The following KIAA1328 variants were observed in gnomAD, a reference collection of about 807,000 sequenced individuals.
The protein encoded by KIAA1328 is KIAA1328, also known as protein hinderin.
In KIAA1328, 52 loss-of-function variants were observed where a neutral mutation model predicts 68.1. That is an observed-to-expected ratio of 0.76 (90% CI 0.61 to 0.96). The LOEUF is 0.96. Among genes scored for constraint, KIAA1328 ranks in the 40% least tolerant of loss-of-function variants. The pLI, the probability that KIAA1328 is intolerant of heterozygous loss-of-function variation, is 0.00. For missense variants in KIAA1328, 641 were observed against 677.6 expected, an observed-to-expected ratio of 0.95 and a Z score of 0.60; for synonymous variants, 232 against 239.4, an observed-to-expected ratio of 0.97 and a Z score of 0.28.
chr18:37,114,603 G>C (rs1296018272), intron 7 of KIAA1328, among the ~76,000 whole-genome samples: 1 of 152,192 alleles, frequency 6.6e-6, no homozygotes, highest in African/African-American at 2.4e-5. Context: ...AAAAGAACTA[G>C]AGAAGCAAGA....
intron 7 of KIAA1328, among the ~76,000 whole-genome samples, chr18:37,070,351 T>A (rs2056481662): frequency 6.6e-6 from 1 of 152,206 alleles, no homozygotes; most frequent in Non-Finnish European, 1.5e-5. Flanking sequence ...GTTGAGTTCT[T>A]CTATATTCTT....
At chr18:37,190,846 C>G (rs1473266898) in intron 9 of KIAA1328, among the ~76,000 whole-genome samples, 1 of 152,230 alleles carries the variant, frequency 6.6e-6, no homozygotes, top group South Asian at 2.1e-4. Flanking sequence ...ATCAAATTCA[C>G]TCCTTCCTAG....
chr18:37,162,931 G>C (rs927570938), intron 8 of KIAA1328, among the ~76,000 whole-genome samples: 1 of 150,022 alleles, frequency 6.7e-6, no homozygotes, highest in African/African-American at 2.4e-5. Flanking sequence ...ACAACCTTAC[G>C]ATAGCAAAGA....
intron 4 of KIAA1328, among the ~76,000 whole-genome samples, chr18:36,867,106 G>A (rs148612355): frequency 5.9e-4 from 90 of 152,262 alleles, no homozygotes; most frequent in African/African-American, 1.6e-3. Context: ...GATCCCCAGC[G>A]TTGGAGGTGT....
At chr18:36,879,333 C>T (rs997244757) in intron 4 of KIAA1328, among the ~76,000 whole-genome samples, 4 of 152,156 alleles carry the variant, frequency 2.6e-5, no homozygotes, top group Admixed American at 2.6e-4. Context: ...CCCTATTTGT[C>T]TGGGTATCAC....
chr18:36,927,719 C>T (rs2050169157), intron 5 of KIAA1328, among the ~76,000 whole-genome samples: 2 of 151,878 alleles, frequency 1.3e-5, no homozygotes, highest in South Asian at 4.2e-4. Flanking sequence ...GATCATGCCA[C>T]TGCATTCCAC....
chr18:36,907,322 A>G (rs2151055055), intron 5 of KIAA1328, among the ~76,000 whole-genome samples: 1 of 152,146 alleles, frequency 6.6e-6, no homozygotes, highest in Non-Finnish European at 1.5e-5. Context: ...TTCCAGTACA[A>G]TGTTGAGTAA....
rs536765138 is a variant in KIAA1328, at chr18:36,956,426, T to C, written c.449-2882T>C. Reference sequence around the variant, plus strand: ...GGCCAGGATTGAGTTAAATATATGTTCTTTTTCATTGTACCCCCCAAATCA... The same window carrying C: ...GGCCAGGATTGAGTTAAATATATGTCCTTTTTCATTGTACCCCCCAAATCA... On this transcript the variant is annotated intron_variant, in intron 5 of 9. Coordinates refer to ENST00000280020, the MANE Select transcript of KIAA1328 (RefSeq NM_020776.3). Among the ~76,000 whole-genome samples the C allele has an allele frequency of 1.1e-4, 17 of 152,240 alleles. No homozygotes were observed. The South Asian group carries it at 3.3e-3, about 30-fold the overall frequency.
At chr18:37,170,189 G>C (rs1405370699) in intron 8 of KIAA1328, among the ~76,000 whole-genome samples, 1 of 152,074 alleles carries the variant, frequency 6.6e-6, no homozygotes, top group Non-Finnish European at 1.5e-5. Context: ...CCAAAGACCA[G>C]TTTGGTATTT....
At chr18:36,985,143 T>C (rs559669123) in intron 6 of KIAA1328, among the ~76,000 whole-genome samples, 1 of 151,840 alleles carries the variant, frequency 6.6e-6, no homozygotes, top group African/African-American at 2.4e-5. Flanking sequence ...CTCTCCAAAA[T>C]CCTGTTTAAA....
chr18:36,839,789 T>G (rs2046798766), intron 3 of KIAA1328, among the ~76,000 whole-genome samples: 1 of 152,186 alleles, frequency 6.6e-6, no homozygotes, highest in African/African-American at 2.4e-5. Flanking sequence ...CATACTCTTT[T>G]GAATACTCTT....
chr18:37,212,990 A>T lies in KIAA1328; in HGVS notation c.1524-9027A>T, dbSNP rs60560421. On this transcript the variant is annotated intron_variant, in intron 9 of 9. Coordinates refer to ENST00000280020, the MANE Select transcript of KIAA1328 (RefSeq NM_020776.3). ...TGCCTCAGCCTCCCAAAGTGCTGGG[A>T]TTACAGGCGTGCGCCACTGCACACA... is the stretch of plus-strand genomic sequence containing the variant. 3.1e-3 allele frequency among the ~76,000 whole-genome samples: 479 copies of T among 152,290 alleles called. 3 individuals carry two copies. The highest frequency in any genetic ancestry group is 0.011 in the African/African-American group (457 of 41,566).
At chr18:37,213,336 C>G (rs2060355372) in intron 9 of KIAA1328, among the ~76,000 whole-genome samples, 1 of 152,084 alleles carries the variant, frequency 6.6e-6, no homozygotes, top group South Asian at 2.1e-4. Context: ...GTGTGATGTT[C>G]CCCGCTCTGT....
chr18:37,172,004 A>G (rs934161957), intron 8 of KIAA1328, among the ~76,000 whole-genome samples: 1 of 152,248 alleles, frequency 6.6e-6, no homozygotes, highest in African/African-American at 2.4e-5. Flanking sequence ...GCTAATCGCT[A>G]TAGCTGTAAG....
At chr18:37,161,285 T>G (rs1311591274) in intron 8 of KIAA1328, among the ~76,000 whole-genome samples, 1 of 152,200 alleles carries the variant, frequency 6.6e-6, no homozygotes, top group Admixed American at 6.6e-5. Flanking sequence ...GGGCAGTGCT[T>G]TGTGAGATCT....
At chr18:37,165,098 T>A (rs2059359532) in intron 8 of KIAA1328, among the ~76,000 whole-genome samples, 1 of 152,096 alleles carries the variant, frequency 6.6e-6, no homozygotes, top group African/African-American at 2.4e-5. Flanking sequence ...AGGACACCAG[T>A]CACTCTCAGG....
chr18:36,900,098 T>C (rs983385053), intron 5 of KIAA1328, among the ~76,000 whole-genome samples: 3 of 151,996 alleles, frequency 2.0e-5, no homozygotes, highest in Non-Finnish European at 2.9e-5. Context: ...TACTTTCATT[T>C]CTTAGCCTCT....
chr18:36,920,239 C>T (rs947254236), intron 5 of KIAA1328, among the ~76,000 whole-genome samples: 1 of 152,090 alleles, frequency 6.6e-6, no homozygotes, highest in Non-Finnish European at 1.5e-5. Context: ...TGGTAGAAGG[C>T]AGGGGCCTAG....
chr18:36,985,779 CTT>C (rs2052895359), intron 6 of KIAA1328, among the ~76,000 whole-genome samples: 1 of 152,114 alleles, frequency 6.6e-6, no homozygotes, highest in South Asian at 2.1e-4. Context: ...CAGGAAAAAT[CTT>C]TGCAGCCGTG....
Sources: allele counts gnomAD v4.1 joint callset (sites outside exome capture counted in the v4.1 genomes callset), GRCh38; gene constraint gnomAD v4.1.1; transcripts MANE v1.5; gene names NCBI Gene and HGNC (gene_info 2026-07-23, HGNC 2026-07-21).